Variants in ZFAND3 observed in about 807,000 individuals in gnomAD.
ZFAND3 encodes zinc finger AN1-type containing 3, also known as AN1-type zinc finger protein 3.
ZFAND3 carries 10 observed loss-of-function variants against 29.6 expected under a neutral mutation model. The observed-to-expected ratio is 0.34, with a 90% CI of 0.21 to 0.57. The LOEUF (loss-of-function observed/expected upper bound fraction) is 0.57. Among genes scored for constraint, ZFAND3 ranks in the 20% least tolerant of loss-of-function variants. The pLI, the probability that ZFAND3 is intolerant of heterozygous loss-of-function variation, is 0.86. For synonymous variants in ZFAND3, 128 were observed against 112.6 expected (o/e 1.14, Z -0.87); for missense variants, 230 against 304.5 (o/e 0.76, Z 1.82).
At chr6:37,822,092 C>A (rs1763678165) in intron 1 of ZFAND3, among the ~76,000 whole-genome samples, 1 of 152,216 alleles carries the variant, frequency 6.6e-6, no homozygotes, top group South Asian at 2.1e-4. Context: ...GCCTTGGACT[C>A]CCAAAGTGCT....
At chr6:38,150,807 CAAGT>C (rs903887578) in intron 5 of ZFAND3, among the ~76,000 whole-genome samples, 10 of 152,166 alleles carry the variant, frequency 6.6e-5, no homozygotes, top group African/African-American at 2.2e-4. Flanking sequence ...GGTTGGAAAA[CAAGT>C]AAGGAGAGTG....
chr6:38,127,166 T>C (rs1289452264), intron 5 of ZFAND3, among the ~76,000 whole-genome samples: 1 of 152,216 alleles, frequency 6.6e-6, no homozygotes, highest in Non-Finnish European at 1.5e-5. Flanking sequence ...TTTTCCTTGA[T>C]CTTAGGTAGA....
At chr6:38,043,446 T>C (rs1763832907) in intron 2 of ZFAND3, among the ~76,000 whole-genome samples, 1 of 131,026 alleles carries the variant, frequency 7.6e-6, no homozygotes, top group South Asian at 2.7e-4. Context: ...TCCTATCCCC[T>C]CCCCGTCTCT....
intron 5 of ZFAND3, among the ~76,000 whole-genome samples, chr6:38,138,048 C>T (rs1221090553): frequency 3.3e-5 from 5 of 152,036 alleles, no homozygotes; most frequent in Admixed American, 3.3e-4. Context: ...CACGGTAACT[C>T]ACAGCTGTAA....
intron 1 of ZFAND3, among the ~76,000 whole-genome samples, chr6:37,886,798 C>G (rs1285841017): frequency 6.6e-6 from 1 of 152,102 alleles, no homozygotes; most frequent in African/African-American, 2.4e-5. Flanking sequence ...GGTTCAAGAC[C>G]AGGTTGGCCA....
chr6:37,852,640 T>TTA (rs1421460073), intron 1 of ZFAND3, among the ~76,000 whole-genome samples: 2 of 152,290 alleles, frequency 1.3e-5, no homozygotes, highest in African/African-American at 4.8e-5. Flanking sequence ...TTGTGTTCCC[T>TTA]TAGCATTTTG....
chr6:38,117,879 A>AG, intron 5 of ZFAND3, among the ~76,000 whole-genome samples: 1 of 152,256 alleles, frequency 6.6e-6, no homozygotes, highest in Non-Finnish European at 1.5e-5. Flanking sequence ...AGGAAGAGAG[A>AG]GGTTATTAGC....
intron 1 of ZFAND3, among the ~76,000 whole-genome samples, chr6:37,871,268 A>G (rs934464205): frequency 2.0e-5 from 3 of 151,942 alleles, no homozygotes; most frequent in Non-Finnish European, 4.4e-5. Context: ...GAATGTTCTT[A>G]TTTTGGTTAT....
intron 1 of ZFAND3, among the ~76,000 whole-genome samples, chr6:37,851,717 C>A (rs1437468623): frequency 6.6e-6 from 1 of 151,996 alleles, no homozygotes; most frequent in Admixed American, 6.6e-5. Context: ...AGATTTCTGT[C>A]CAAGAGAGTT....
At chr6:38,065,245 G>C (rs182492862) in intron 3 of ZFAND3, among the ~76,000 whole-genome samples, 1 of 151,976 alleles carries the variant, frequency 6.6e-6, no homozygotes, top group Admixed American at 6.5e-5. Context: ...GAACCCGGGA[G>C]GTGAGGTTGC....
chr6:38,052,802 C>T (rs1424861279), intron 2 of ZFAND3, among the ~76,000 whole-genome samples: 4 of 151,692 alleles, frequency 2.6e-5, no homozygotes, highest in Non-Finnish European at 2.9e-5. Flanking sequence ...ATTACAGGCA[C>T]GAGGCTGAGG....
intron 1 of ZFAND3, among the ~76,000 whole-genome samples, chr6:37,908,693 G>C (rs754561517): frequency 1.8e-4 from 26 of 143,458 alleles, no homozygotes; most frequent in Non-Finnish European, 2.9e-4. Context: ...CTCTTCATCT[G>C]TATCCTTTGC....
At chr6:37,885,243 AG>A (rs1482111064) in intron 1 of ZFAND3, among the ~76,000 whole-genome samples, 1 of 152,214 alleles carries the variant, frequency 6.6e-6, no homozygotes, top group South Asian at 2.1e-4. Context: ...GTCTCTATTG[AG>A]GTGACTATAA....
chr6:38,118,223 A>G (rs936760608), intron 5 of ZFAND3, among the ~76,000 whole-genome samples: 7 of 152,182 alleles, frequency 4.6e-5, no homozygotes, highest in Non-Finnish European at 1.0e-4. Context: ...CAACCCTGCC[A>G]GGCAATTTTA....
chr6:37,997,483 T>C (rs1021906028), intron 2 of ZFAND3, among the ~76,000 whole-genome samples: 2 of 152,170 alleles, frequency 1.3e-5, no homozygotes, highest in Admixed American at 6.5e-5. Context: ...GATGCATGCA[T>C]AGTGTGAGAG....
chr6:37,922,798 C>T (rs1761407773), intron 1 of ZFAND3, among the ~76,000 whole-genome samples: 1 of 152,090 alleles, frequency 6.6e-6, no homozygotes, highest in Non-Finnish European at 1.5e-5. Flanking sequence ...TACACCTGTC[C>T]CAGGCACTTA....
intron 2 of ZFAND3, among the ~76,000 whole-genome samples, chr6:38,043,962 A>T (rs539655275): frequency 6.6e-6 from 1 of 152,274 alleles, no homozygotes; most frequent in Admixed American, 6.5e-5. Context: ...TATTTCTAAA[A>T]GCCCTTCATC....
At chr6:38,105,275 G>T (rs1245166535) in intron 4 of ZFAND3, among the ~76,000 whole-genome samples, 1 of 152,046 alleles carries the variant, frequency 6.6e-6, no homozygotes, top group Non-Finnish European at 1.5e-5. Flanking sequence ...GGCATGGTGG[G>T]TCATGCCTGT....
At chr6:38,014,327 ATTATTTTTTTTT>A (rs889928255) in intron 2 of ZFAND3, among the ~76,000 whole-genome samples, 32 of 150,418 alleles carry the variant, frequency 2.1e-4, no homozygotes, top group Middle Eastern at 3.4e-3. Flanking sequence ...TATTATTATT[ATTATTTTTTTTT>A]TTTTGAGATG....
Sources: allele counts gnomAD v4.1 joint callset (sites outside exome capture counted in the v4.1 genomes callset), GRCh38; gene constraint gnomAD v4.1.1; transcripts MANE v1.5; gene names NCBI Gene and HGNC (gene_info 2026-07-23, HGNC 2026-07-21).